Variants in TOX observed in about 807,000 individuals in gnomAD.
TOX encodes thymocyte selection associated high mobility group box.
TOX carries 11 observed loss-of-function variants against 53.7 expected under a neutral mutation model. The ratio of observed to expected loss-of-function variants is 0.20; its 90% CI spans 0.13 to 0.34. The LOEUF is 0.34. Ranked by LOEUF, TOX falls within the 10% of genes least tolerant of loss-of-function variation. TOX has a pLI of 1.00. For missense variants in TOX, 570 were observed against 664.6 expected, an observed-to-expected ratio of 0.86 and a Z score of 1.56; for synonymous variants, 225 against 245.3, an observed-to-expected ratio of 0.92 and a Z score of 0.77.
Position 58,873,958 on chromosome 8 carries a change from CTTTTTTTTT to C in TOX, c.412-22162_412-22154del, listed in dbSNP as rs1173710545. Among the ~76,000 whole-genome samples the C allele has an allele frequency of 4.0e-4, 16 of 40,136 alleles. 1 individual carries two copies. Among genetic ancestry groups the C allele is most frequent in the African/African-American group, 1.7e-3 (10 of 5,792 alleles). 26.3% of individuals were successfully genotyped at this position (40,136 alleles called of 152,430 possible). On this transcript the variant is annotated intron_variant, in intron 3 of 8. Coordinates refer to ENST00000361421, the MANE Select transcript of TOX (RefSeq NM_014729.3). ...AATACACATCCTGAATGCCAGGAAG[CTTTTTTTTT>C]TTTTTTTTTTTTTTTTTTTGGGAAA...
At chr8:59,114,502 A>G (rs1805068781) in intron 1 of TOX, among the ~76,000 whole-genome samples, 1 of 152,212 alleles carries the variant, frequency 6.6e-6, no homozygotes, top group African/African-American at 2.4e-5. Context: ...TTTAAAACAT[A>G]TTTAACAACC....
intron 3 of TOX, among the ~76,000 whole-genome samples, chr8:58,871,622 C>A (rs1258394952): frequency 6.6e-6 from 1 of 152,072 alleles, no homozygotes; most frequent in Admixed American, 6.6e-5. Context: ...AGTTGCTTCC[C>A]AAGTGGGCAT....
chr8:59,031,319 G>T (rs920180066), intron 1 of TOX, among the ~76,000 whole-genome samples: 1 of 152,186 alleles, frequency 6.6e-6, no homozygotes, highest in African/African-American at 2.4e-5. Flanking sequence ...AGATGTACAA[G>T]TTTCTCATCC....
At chr8:58,874,891 G>A (rs185047086) in intron 3 of TOX, among the ~76,000 whole-genome samples, 86 of 152,260 alleles carry the variant, frequency 5.6e-4, no homozygotes, top group African/African-American at 2.0e-3. Context: ...ACTAATGAGC[G>A]CTGATGAGCT....
intron 4 of TOX, among the ~76,000 whole-genome samples, chr8:58,846,254 A>G (rs1335568707): frequency 6.6e-6 from 1 of 152,120 alleles, no homozygotes; most frequent in Admixed American, 6.5e-5. Flanking sequence ...AGGGTCATAC[A>G]TTAGTTTAAT....
At chr8:58,853,118 C>A (rs918062146) in intron 3 of TOX, among the ~76,000 whole-genome samples, 1 of 152,160 alleles carries the variant, frequency 6.6e-6, no homozygotes, top group Non-Finnish European at 1.5e-5. Context: ...CTCCGGAACG[C>A]ATTTACTGCC....
At chr8:58,831,576 G>A (rs1335958923) in intron 5 of TOX, among the ~76,000 whole-genome samples, 2 of 152,188 alleles carry the variant, frequency 1.3e-5, no homozygotes, top group Non-Finnish European at 2.9e-5. Flanking sequence ...AAACCATGGT[G>A]TGAATAAAAT....
rs1273593789 is a variant in TOX, at chr8:58,856,619, G to C, written c.412-4814C>G. 3.3e-5 allele frequency among the ~76,000 whole-genome samples: 5 copies of C among 152,240 alleles called. No homozygotes were observed. The East Asian group carries it at 9.6e-4, about 29-fold the overall frequency. ...TTGTGCTGAAAAATGGGCCCCTCTA[G>C]CTGGCTCAAGGAGGACATTTGTAGC... On this transcript the variant is annotated intron_variant, in intron 3 of 8. Transcript: ENST00000361421.
At chr8:59,009,823 G>A (rs1426036779) in intron 1 of TOX, among the ~76,000 whole-genome samples, 1 of 152,132 alleles carries the variant, frequency 6.6e-6, no homozygotes, top group South Asian at 2.1e-4. Context: ...TCCTAGTTTT[G>A]CACTTTGTGC....
At chr8:59,071,317 A>G (rs1266375846) in intron 1 of TOX, among the ~76,000 whole-genome samples, 1 of 152,152 alleles carries the variant, frequency 6.6e-6, no homozygotes, top group Non-Finnish European at 1.5e-5. Flanking sequence ...CAGAGCACCA[A>G]CCACCTGCTT....
chr8:59,080,401 G>T (rs1357744980), intron 1 of TOX, among the ~76,000 whole-genome samples: 1 of 151,962 alleles, frequency 6.6e-6, no homozygotes, highest in Non-Finnish European at 1.5e-5. Flanking sequence ...CATAGGTAAA[G>T]GTACTCCCCT....
At chr8:58,989,392 C>T (rs1174184970) in intron 1 of TOX, among the ~76,000 whole-genome samples, 1 of 151,950 alleles carries the variant, frequency 6.6e-6, no homozygotes. Context: ...GTCCTTTTTA[C>T]CATAAGCCTG....
At chr8:58,969,737 T>C (rs1812969191) in intron 1 of TOX, among the ~76,000 whole-genome samples, 1 of 152,234 alleles carries the variant, frequency 6.6e-6, no homozygotes, top group Admixed American at 6.5e-5. Flanking sequence ...TTTGATTTTT[T>C]ATAGCATTTT....
In TOX at chr8:59,080,226, C is replaced by T. The variant is rs181521142; in HGVS notation, c.102+38660G>A. Among the ~76,000 whole-genome samples, 16 of 152,220 alleles carry T rather than the reference C, an allele frequency of 1.1e-4. No individual in the cohort carries two copies. The East Asian group carries it at 2.7e-3, about 26-fold the overall frequency. The stretch of plus-strand genomic sequence containing the variant: ...TCAAACTCCTGACCTCGTGATCCAC[C>T]TGCCTTAGCCTCCTAAAGTGCTAGG... On this transcript the variant is annotated intron_variant, in intron 1 of 8. Transcript: ENST00000361421.
intron 3 of TOX, among the ~76,000 whole-genome samples, chr8:58,853,238 C>G (rs1231047388): frequency 6.6e-6 from 1 of 152,148 alleles, no homozygotes. Context: ...CTCTGGCTGG[C>G]CTCATGATTT....
intron 3 of TOX, among the ~76,000 whole-genome samples, chr8:58,933,043 T>C (rs1812283869): frequency 1.3e-5 from 2 of 152,194 alleles, no homozygotes; most frequent in South Asian, 2.1e-4. Context: ...TGAAATCGCC[T>C]TTGTTGCTTT....
intron 3 of TOX, among the ~76,000 whole-genome samples, chr8:58,865,427 T>A (rs1331575276): frequency 6.6e-6 from 1 of 152,202 alleles, no homozygotes; most frequent in South Asian, 2.1e-4. Context: ...TCGTACTTTT[T>A]TTTTTTTAGT....
At chr8:59,088,788 C>T (rs776224184) in intron 1 of TOX, among the ~76,000 whole-genome samples, 9 of 152,190 alleles carry the variant, frequency 5.9e-5, no homozygotes, top group Non-Finnish European at 1.0e-4. Context: ...GACAATGCAT[C>T]ACTGCTTGCA....
intron 4 of TOX, among the ~76,000 whole-genome samples, chr8:58,849,487 C>T (rs983789101): frequency 6.6e-6 from 1 of 152,142 alleles, no homozygotes; most frequent in Non-Finnish European, 1.5e-5. Context: ...TTCATATCAG[C>T]ATGGAGACAT....
Sources: allele counts gnomAD v4.1 joint callset (sites outside exome capture counted in the v4.1 genomes callset), GRCh38; gene constraint gnomAD v4.1.1; transcripts MANE v1.5; gene names NCBI Gene and HGNC (gene_info 2026-07-23, HGNC 2026-07-21).